The following GRIK4 variants were observed in gnomAD, a reference collection of about 807,000 sequenced individuals.
GRIK4 encodes glutamate receptor ionotropic, kainate 4.
Under a neutral mutation model 104.9 loss-of-function variants are expected in GRIK4, and 40 were observed. The observed-to-expected ratio is 0.38, with a 90% CI of 0.30 to 0.50. The LOEUF (loss-of-function observed/expected upper bound fraction) is 0.50. Among genes scored for constraint, GRIK4 ranks in the 20% least tolerant of loss-of-function variants. The probability of loss-of-function intolerance (pLI) is 0.93; values close to 1 mark genes in which losing one functional copy is unlikely to be tolerated. For missense variants in GRIK4, 1,047 were observed against 1,308.1 expected, an observed-to-expected ratio of 0.80 and a Z score of 3.08; for synonymous variants, 485 against 524.9, an observed-to-expected ratio of 0.92 and a Z score of 1.04.
chr11:120,988,724 T>C lies in GRIK4; in HGVS notation c.*2464T>C, dbSNP rs1284688238. ...TCTGTATTTTCTATCTGACTCTGTA[T>C]ACTGTATAAAGCAGTTTTTTCTTGT... On this transcript the variant is annotated 3_prime_UTR_variant, in exon 21 of 21. Coordinates refer to ENST00000527524, the MANE Select transcript of GRIK4 (RefSeq NM_014619.5). 1.3e-5 allele frequency: 2 copies of C among 152,256 alleles called. No homozygotes were observed. The highest frequency in any genetic ancestry group is 6.5e-5 in the Admixed American group (1 of 15,288). The allele number at this position is 152,256 out of a possible 1,614,324, so 9.4% of individuals were successfully genotyped here.
At chr11:120,791,212 G>A (rs893469567) in intron 3 of GRIK4, among the ~76,000 whole-genome samples, 19 of 152,152 alleles carry the variant, frequency 1.2e-4, no homozygotes, top group Non-Finnish European at 1.0e-4. Context: ...AGGGGAGCGA[G>A]GGAAGAGGTT....
chr11:120,630,808 A>G (rs1204992071), intron 1 of GRIK4, among the ~76,000 whole-genome samples: 2 of 152,364 alleles, frequency 1.3e-5, no homozygotes, highest in East Asian at 1.9e-4. Flanking sequence ...CCAGGGTTCT[A>G]GAGTCCTGAC....
intron 1 of GRIK4, among the ~76,000 whole-genome samples, chr11:120,580,888 G>A (rs537432771): frequency 6.4e-4 from 98 of 152,226 alleles, no homozygotes; most frequent in South Asian, 5.2e-3. Flanking sequence ...TATCACCAAC[G>A]CATGAGAGTT....
chr11:120,856,741 G>T (rs902352605), intron 8 of GRIK4, among the ~76,000 whole-genome samples: 1 of 152,106 alleles, frequency 6.6e-6, no homozygotes, highest in African/African-American at 2.4e-5. Context: ...TGATTTAAGG[G>T]TACCACCTGG....
At chr11:120,603,964 A>G (rs1948921042) in intron 1 of GRIK4, among the ~76,000 whole-genome samples, 1 of 151,844 alleles carries the variant, frequency 6.6e-6, no homozygotes, top group African/African-American at 2.4e-5. Context: ...AGGTCAGGAG[A>G]TCGAGACCAT....
intron 1 of GRIK4, among the ~76,000 whole-genome samples, chr11:120,614,103 G>T (rs1192251817): frequency 6.6e-6 from 1 of 152,190 alleles, no homozygotes; most frequent in Non-Finnish European, 1.5e-5. Context: ...TTCCCTGCAG[G>T]CAGTGATGGG....
At chr11:120,680,726 A>G (rs1424770628) in intron 3 of GRIK4, among the ~76,000 whole-genome samples, 1 of 152,220 alleles carries the variant, frequency 6.6e-6, no homozygotes, top group East Asian at 1.9e-4. Context: ...TAAGTTATGC[A>G]ACCTGAAATA....
intron 9 of GRIK4, chr11:120,871,538 T>C (rs1357532122): frequency 4.4e-6 from 2 of 454,634 alleles, no homozygotes; most frequent in African/African-American, 2.0e-5. Context: ...GTGTGCACTG[T>C]TCCCCATGGT....
chr11:120,638,332 A>G (rs1358522413), intron 1 of GRIK4, among the ~76,000 whole-genome samples: 1 of 152,138 alleles, frequency 6.6e-6, no homozygotes, highest in African/African-American at 2.4e-5. Context: ...TAGTATCCCC[A>G]TTTTCCAAAT....
intron 6 of GRIK4, among the ~76,000 whole-genome samples, chr11:120,824,222 A>C (rs545453427): frequency 6.6e-6 from 1 of 152,088 alleles, no homozygotes; most frequent in South Asian, 2.1e-4. Flanking sequence ...ATATTACATT[A>C]TTTTTCTTTA....
At chr11:120,613,841 G>A (rs904331867) in intron 1 of GRIK4, among the ~76,000 whole-genome samples, 1 of 152,186 alleles carries the variant, frequency 6.6e-6, no homozygotes, top group African/African-American at 2.4e-5. Flanking sequence ...ACTGTCTCAG[G>A]GTGCTGAGGC....
At chr11:120,831,761 G>A in intron 6 of GRIK4, 91 bp from the exon 7 acceptor site, 1 of 951,824 alleles carries the variant, frequency 1.1e-6, no homozygotes, top group Non-Finnish European at 1.6e-6. Context: ...CCCACTTCCA[G>A]CCCACATCTC....
At chr11:120,810,006 A>C (rs192123912) in intron 4 of GRIK4, among the ~76,000 whole-genome samples, 1 of 152,336 alleles carries the variant, frequency 6.6e-6, no homozygotes, top group African/African-American at 2.4e-5. Context: ...TCAAGTCTGC[A>C]GTGAGCTATG....
intron 13 of GRIK4, among the ~76,000 whole-genome samples, chr11:120,926,760 A>G (rs1943353921): frequency 6.6e-6 from 1 of 152,218 alleles, no homozygotes; most frequent in Admixed American, 6.5e-5. Context: ...GGTTCTGGAC[A>G]CTGGAGATGT....
At chr11:120,642,370 A>C (rs1477776149) in intron 1 of GRIK4, among the ~76,000 whole-genome samples, 1 of 152,208 alleles carries the variant, frequency 6.6e-6, no homozygotes, top group East Asian at 1.9e-4. Flanking sequence ...TCACTGAGCC[A>C]GTACTATCAC....
rs1040751682 is a variant in GRIK4 at position 120,760,622 on chromosome 11, G to A, written c.83-42071G>A. ...GACTCCCAACCCCCGACAGGCCCTA[G>A]TGTCTGATGTTCCCCTCCCTGTGCC... On this transcript the variant is annotated intron_variant, in intron 3 of 20. Coordinates refer to ENST00000527524, the MANE Select transcript of GRIK4 (RefSeq NM_014619.5). 7.2e-5 allele frequency among the ~76,000 whole-genome samples: 11 copies of A among 152,054 alleles called. No individual in the cohort carries two copies. The East Asian group carries it at 1.9e-3, about 27-fold the overall frequency.
intron 19 of GRIK4, among the ~76,000 whole-genome samples, chr11:120,978,593 C>T (rs183581604): frequency 6.6e-6 from 1 of 152,194 alleles, no homozygotes; most frequent in East Asian, 1.9e-4. Flanking sequence ...AAGGAAACAG[C>T]TACAGGCAGG....
intron 1 of GRIK4, among the ~76,000 whole-genome samples, chr11:120,583,258 T>G (rs575822740): frequency 4.5e-4 from 69 of 152,356 alleles, no homozygotes; most frequent in African/African-American, 1.5e-3. Flanking sequence ...AGACCTTTGT[T>G]GGATACATAG....
rs760144245 is a variant in GRIK4 at position 120,939,081 on chromosome 11, T to C, written c.1477-1266T>C. ...GAAGTGACTAGTCCAGGTTGGTTAG[T>C]TGGTTGTTAGAGTAGAGGATGCATT... On this transcript the variant is annotated intron_variant, in intron 13 of 20. Coordinates refer to ENST00000527524, the MANE Select transcript of GRIK4 (RefSeq NM_014619.5). The surrounding 1 kb of genome is among the most constrained non-coding windows in gnomAD (Gnocchi z 5.6). Among the ~76,000 whole-genome samples, 6 of 152,220 alleles carry C rather than the reference T, an allele frequency of 3.9e-5. No individual in the cohort carries two copies. Among genetic ancestry groups the C allele is most frequent in the Middle Eastern group, 3.4e-3 (1 of 294 alleles).
Sources: gnomAD v4.1 joint callset for allele counts (sites outside exome capture counted in the v4.1 genomes callset) on GRCh38, gnomAD v4.1.1 for gene constraint, Gnocchi (gnomAD v3.1) non-coding constraint, MANE v1.5 for transcripts, NCBI Gene and HGNC (gene_info 2026-07-23, HGNC 2026-07-21) for gene names.